The following DNAH7 variants were observed in gnomAD, a reference collection of about 807,000 sequenced individuals.
The protein encoded by DNAH7 is axonemal beta dynein heavy chain 7.
DNAH7 carries 397 observed loss-of-function variants against 444.6 expected under a neutral mutation model. The observed-to-expected ratio is 0.89, with a 90% CI of 0.82 to 0.97. DNAH7 has a LOEUF of 0.97. DNAH7 is among the 50% of genes least tolerant of loss of function. The probability of loss-of-function intolerance (pLI) is 0.00; values close to 1 mark genes in which losing one functional copy is unlikely to be tolerated. For missense variants in DNAH7, 4,902 were observed against 4,800.8 expected (o/e 1.02, Z -0.62); for synonymous variants, 1,636 against 1,624.4 (o/e 1.01, Z -0.17).
chr2:196,053,902 C>G (rs1476849771), intron 2 of DNAH7, among the ~76,000 whole-genome samples: 2 of 152,194 alleles, frequency 1.3e-5, no homozygotes, highest in African/African-American at 4.8e-5. Flanking sequence ...GAGTTAAGAG[C>G]TGGTGTGCTT....
At chr2:196,006,775 GAGA>G (rs1201181553) in intron 10 of DNAH7, among the ~76,000 whole-genome samples, 1 of 151,982 alleles carries the variant, frequency 6.6e-6, no homozygotes, top group Non-Finnish European at 1.5e-5. Flanking sequence ...AGATGAAATT[GAGA>G]AGACCATTCC....
chr2:195,983,704 T>A (rs1692722020), intron 15 of DNAH7, among the ~76,000 whole-genome samples: 1 of 152,202 alleles, frequency 6.6e-6, no homozygotes, highest in Non-Finnish European at 1.5e-5. Context: ...ACATGAGAAA[T>A]GATGAAAGTG....
chr2:196,066,210 A>C lies in DNAH7; in HGVS notation c.15+2487T>G, dbSNP rs200213198. Among the ~76,000 whole-genome samples, 362 of 152,342 alleles carry C rather than the reference A, an allele frequency of 2.4e-3. 1 individual carries two copies. Among genetic ancestry groups the C allele is most frequent in the African/African-American group, 8.3e-3 (343 of 41,570 alleles). On this transcript the variant is annotated intron_variant, in intron 1 of 64. Transcript: ENST00000312428. ...CCTGATCAAATGACTAGAATCTATA[A>C]ATGTGTCTGGTTAAATCAACAATAA... is the stretch of plus-strand genomic sequence containing the variant.
At chr2:195,940,512 C>A (rs1689352909) in intron 19 of DNAH7, among the ~76,000 whole-genome samples, 1 of 152,042 alleles carries the variant, frequency 6.6e-6, no homozygotes, top group African/African-American at 2.4e-5. Context: ...GCAACACAAG[C>A]CAAAATTGAC....
intron 43 of DNAH7, among the ~76,000 whole-genome samples, chr2:195,858,215 T>C (rs545103928): frequency 1.3e-5 from 2 of 152,330 alleles, no homozygotes; most frequent in South Asian, 4.1e-4. Flanking sequence ...CAAAGATGTA[T>C]GAAGTTCTTG....
At chr2:195,969,814 G>A in intron 17 of DNAH7, 134 bp downstream of exon 17, 1 of 873,056 alleles carries the variant, frequency 1.1e-6, no homozygotes, top group Non-Finnish European at 1.7e-6. Context: ...ATCTATTTGT[G>A]TCATTCTATT....
chr2:195,860,812 T>G (rs906599939), intron 42 of DNAH7, among the ~76,000 whole-genome samples: 16 of 152,210 alleles, frequency 1.1e-4, no homozygotes, highest in African/African-American at 3.9e-4. Flanking sequence ...TTTGGTCTGT[T>G]CAATTCGTGG....
Position 195,872,329 on chromosome 2 carries a change from C to T in DNAH7, c.6554G>A (p.Arg2185His), listed in dbSNP as rs754967966. The T allele has an allele frequency of 2.1e-5, 34 of 1,613,712 alleles. No individual in the cohort carries two copies. The highest frequency in any genetic ancestry group is 1.2e-4 in the Admixed American group (7 of 59,976). The change falls in exon 40 of 65, where the codon CGT (arginine) becomes CAT (histidine). Residue 2185 changes from arginine to histidine, a missense_variant. Coordinates refer to ENST00000312428, the MANE Select transcript of DNAH7 (RefSeq NM_018897.3). ...TGACAAACAAACACCTTGAATGACA[C>T]GGGAGAAATCACGGAGGTTGAACAA... The part of the protein sequence containing the change: ...HYLFNLRDFS[R>H]VIQGVCLSRP...
At chr2:195,845,768 C>G (rs916282752) in intron 46 of DNAH7, among the ~76,000 whole-genome samples, 6 of 152,180 alleles carry the variant, frequency 3.9e-5, no homozygotes, top group Admixed American at 6.5e-5. Flanking sequence ...AAAGGACTCC[C>G]TATTCAATAA....
chr2:195,855,837 GTT>G lies in DNAH7; in HGVS notation c.8567_8568del (p.Lys2856ThrfsTer5). The part of the protein sequence containing the change: ...ARLQDTLELN[K>X]QKKADLENQV... Reference sequence around the variant, plus strand: ...TGGTTTTCCAGGTCAGCCTTCTTTTGTTTATTTAATTCAAGTGTGTCTTGAAG... The same window carrying G: ...TGGTTTTCCAGGTCAGCCTTCTTTTGTATTTAATTCAAGTGTGTCTTGAAG... On this transcript the variant is annotated frameshift_variant, in exon 45 of 65. Coordinates refer to ENST00000312428, the MANE Select transcript of DNAH7 (RefSeq NM_018897.3). LOFTEE classifies it high-confidence loss of function. The G allele has an allele frequency of 6.2e-7, 1 of 1,613,452 alleles. No individual in the cohort carries two copies. Among genetic ancestry groups the G allele is most frequent in the Non-Finnish European group, 8.5e-7 (1 of 1,179,724 alleles).
intron 5 of DNAH7, among the ~76,000 whole-genome samples, chr2:196,031,720 A>C (rs1198051701): frequency 1.3e-5 from 2 of 152,152 alleles, no homozygotes; most frequent in African/African-American, 2.4e-5. Flanking sequence ...AACAAGAGTC[A>C]CTTTTGCTCC....
intron 25 of DNAH7, among the ~76,000 whole-genome samples, chr2:195,908,444 C>T (rs543362342): frequency 1.3e-5 from 2 of 152,188 alleles, no homozygotes; most frequent in East Asian, 1.9e-4. Context: ...CTCCCACCTT[C>T]GCGCCCTTCC....
chr2:195,737,750 TTAAGTA>T lies in DNAH7; in HGVS notation c.*165_*170del, dbSNP rs1692717985. The T allele has an allele frequency of 5.1e-6, 3 of 589,408 alleles. No homozygotes were observed. The South Asian group carries it at 6.5e-5, about 13-fold the overall frequency. 36.5% of individuals were successfully genotyped at this position (589,408 alleles called of 1,614,324 possible). On this transcript the variant is annotated 3_prime_UTR_variant, in exon 65 of 65. Transcript: ENST00000312428. ...TTTATTTCAGAACATTTCCTTACAT[TTAAGTA>T]TGAGTCATATTAAGTTTAGCTGCAT... is the stretch of plus-strand genomic sequence containing the variant.
intron 17 of DNAH7, among the ~76,000 whole-genome samples, chr2:195,964,679 A>C (rs1355962090): frequency 6.7e-6 from 1 of 148,414 alleles, no homozygotes; most frequent in African/African-American, 2.5e-5. Flanking sequence ...AGCCTGGCCA[A>C]CATGGTAACA....
Position 195,821,463 on chromosome 2 carries a change from GA to G in DNAH7, c.9291+2791del, listed in dbSNP as rs1215182555. The stretch of plus-strand genomic sequence containing the variant: ...AGAGGCTGACATATCTAACTTCTTA[GA>G]AAGAAACATCTAATAGGGACTTAAC... On this transcript the variant is annotated intron_variant, in intron 49 of 64. Coordinates refer to ENST00000312428, the MANE Select transcript of DNAH7 (RefSeq NM_018897.3). 1.3e-4 allele frequency among the ~76,000 whole-genome samples: 20 copies of G among 152,132 alleles called. 1 individual carries two copies. Among genetic ancestry groups the G allele is most frequent in the Non-Finnish European group, 2.6e-4 (18 of 68,024 alleles).
At chr2:195,931,831 T>C (rs1286935561) in intron 21 of DNAH7, among the ~76,000 whole-genome samples, 2 of 152,030 alleles carry the variant, frequency 1.3e-5, no homozygotes, top group Admixed American at 6.6e-5. Context: ...TGTAGCCTTG[T>C]AGTATAGTTT....
intron 63 of DNAH7, among the ~76,000 whole-genome samples, chr2:195,746,710 C>G (rs1210484077): frequency 6.6e-6 from 1 of 152,204 alleles, no homozygotes; most frequent in Non-Finnish European, 1.5e-5. Context: ...AACCACTCAA[C>G]TACATGGAAA....
At chr2:195,964,157 G>A (rs1691303955) in intron 17 of DNAH7, among the ~76,000 whole-genome samples, 1 of 152,132 alleles carries the variant, frequency 6.6e-6, no homozygotes, top group Non-Finnish European at 1.5e-5. Flanking sequence ...AAAAATTTAG[G>A]AGTGTTTTTT....
chr2:195,905,594 A>C (rs1396545338), intron 27 of DNAH7: 2 of 152,134 alleles, frequency 1.3e-5, no homozygotes, highest in African/African-American at 2.4e-5. Flanking sequence ...TTGGATCCAC[A>C]ATTACTATTG....
Sources: allele counts gnomAD v4.1 joint callset (sites outside exome capture counted in the v4.1 genomes callset), GRCh38; gene constraint gnomAD v4.1.1; transcripts MANE v1.5; gene names NCBI Gene and HGNC (gene_info 2026-07-23, HGNC 2026-07-21).